The following TSPOAP1 variants were observed in gnomAD, a reference collection of about 807,000 sequenced individuals.
The protein encoded by TSPOAP1 is peripheral-type benzodiazepine receptor-associated protein 1.
TSPOAP1 carries 87 observed loss-of-function variants against 197.0 expected under a neutral mutation model. The observed-to-expected ratio is 0.44, with a 90% CI of 0.37 to 0.53. The LOEUF is 0.53. Among genes scored for constraint, TSPOAP1 ranks in the 20% least tolerant of loss-of-function variants. The pLI is 0.00. For synonymous variants in TSPOAP1, 913 were observed against 998.9 expected (o/e 0.91, Z 1.62); for missense variants, 2,174 against 2,411.3 (o/e 0.90, Z 2.06).
At chr17:58,323,985 T>C (rs1223748502) in intron 5 of TSPOAP1, among the ~76,000 whole-genome samples, 2 of 152,160 alleles carry the variant, frequency 1.3e-5, no homozygotes, top group Non-Finnish European at 2.9e-5. Flanking sequence ...AATCTGGGCT[T>C]GGCCTAGAGC....
rs199504148 is a variant in TSPOAP1 at position 58,308,921 on chromosome 17, C to A, written c.4351G>T (p.Gly1451Cys). 3.1e-4 allele frequency: 491 copies of A among 1,596,604 alleles called. No individual in the cohort carries two copies. Among genetic ancestry groups the A allele is most frequent in the Non-Finnish European group, 4.0e-4 (470 of 1,171,422 alleles). Residue 1451 changes from glycine to cysteine, a missense_variant, in exon 22 of 32, where the codon GGC (glycine) becomes TGC (cysteine). Physicochemically the swap from Gly to Cys is radical, Grantham distance 159. Around this residue, in one of 5 missense-constraint regions of TSPOAP1, gnomAD observed 1,933 missense variants for 2,139.0 expected, o/e 0.90. Transcript: ENST00000343736. ...CTGGGGCCCTCAATTACGGGGAGGC[C>A]ACCCCTCTCCCGTGTGGGGCCCAGT... ...GRLGPTRERGGLPVIEGPRTG... is the reference protein window; with the variant it reads ...GRLGPTRERGCLPVIEGPRTG...
At position 58,308,606 on chromosome 17, in the gene TSPOAP1, C is replaced by G. The variant is rs1970982124; in HGVS notation, c.4666G>C (p.Glu1556Gln). ...PKPYPRLPAWEKGEPERRGRS... is the reference protein window; with the variant it reads ...PKPYPRLPAWQKGEPERRGRS... The stretch of plus-strand genomic sequence containing the variant: ...CCTCTCCGCTCTGGTTCCCCTTTCT[C>G]CCAGGCTGGGAGGCGTGGGTAGGGC... The change falls in exon 22 of 32, where the codon GAG (glutamate) becomes CAG (glutamine). Residue 1556 changes from glutamate to glutamine, a missense_variant. Glu to Gln is a conservative substitution (Grantham distance 29). Transcript: ENST00000343736. The G allele has an allele frequency of 6.3e-7, 1 of 1,594,530 alleles. No individual in the cohort carries two copies. Among genetic ancestry groups the G allele is most frequent in the Non-Finnish European group, 8.6e-7 (1 of 1,168,414 alleles).
Position 58,322,346 on chromosome 17 carries a change from G to C in TSPOAP1, c.1384C>G (p.Leu462Val). 6.2e-7 allele frequency: 1 copy of C among 1,605,200 alleles called. No individual in the cohort carries two copies. Among genetic ancestry groups the C allele is most frequent in the African/African-American group, 1.3e-5 (1 of 75,030 alleles). The change falls in exon 10 of 32, where the codon CTA (leucine) becomes GTA (valine). Residue 462 changes from leucine (L) to valine (V), a missense_variant. Coordinates refer to ENST00000343736, the MANE Select transcript of TSPOAP1 (RefSeq NM_004758.4). The surrounding 1 kb of genome is among the most constrained non-coding windows in gnomAD (Gnocchi z 5.0). ...EVEHEQARLS[L>V]REKQEEVRRL... Reference sequence around the variant, plus strand: ...CGGACCTCCTCCTGCTTCTCCCGTAGGCTGAGCCGAGCCTGTTCATGCTCC... The same window carrying C: ...CGGACCTCCTCCTGCTTCTCCCGTACGCTGAGCCGAGCCTGTTCATGCTCC...
At chr17:58,311,475 C>G (rs1971075946) in intron 18 of TSPOAP1, 96 bp downstream of exon 18, 13 of 1,487,948 alleles carry the variant, frequency 8.7e-6, no homozygotes, top group East Asian at 4.6e-5. Context: ...ATGCCAGGGG[C>G]TGGGCATCTC....
At position 58,327,722 on chromosome 17, in the gene TSPOAP1, C is replaced by T. The variant is rs529186608; in HGVS notation, c.199G>A (p.Gly67Arg). 35 of 1,614,154 alleles carry T rather than the reference C, an allele frequency of 2.2e-5. No individual in the cohort carries two copies. The highest frequency in any genetic ancestry group is 1.7e-4 in the Admixed American group (10 of 60,024). ...SEESSKPKGD[G>R]SSRPVGGTDP... The stretch of plus-strand genomic sequence containing the variant: ...GTTCCCCCCACGGGCCTGGAGCTCC[C>T]GTCTCCTTTGGGCTTGGAACTCTCC... Residue 67 changes from glycine to arginine, a missense_variant, in exon 1 of 32, where the codon GGG becomes AGG. Transcript: ENST00000343736.
In TSPOAP1 at chr17:58,323,481, C is replaced by T. The variant is rs1160672341; in HGVS notation, c.1007G>A (p.Arg336Lys). The T allele has an allele frequency of 3.7e-6, 6 of 1,614,234 alleles. No individual in the cohort carries two copies. Among genetic ancestry groups the T allele is most frequent in the Non-Finnish European group, 5.1e-6 (6 of 1,180,016 alleles). Residue 336 changes from arginine (R) to lysine (K), a missense_variant, in exon 6 of 32, where the codon AGG becomes AAG. Around this residue, in one of 5 missense-constraint regions of TSPOAP1, gnomAD observed 1,933 missense variants for 2,139.0 expected, o/e 0.90. Transcript: ENST00000343736. The stretch of plus-strand genomic sequence containing the variant: ...CCTAGGACTTACCAGCTGCTGCACC[C>T]TCTGCTCTTTCTCTGGCTCCCCTAG... ...VILGEPEKEQ[R>K]VQQLESELSK...
intron 22 of TSPOAP1, 106 bp downstream of exon 22, chr17:58,308,435 G>A (rs374849191): frequency 6.2e-6 from 9 of 1,462,556 alleles, no homozygotes; most frequent in South Asian, 1.5e-5. Context: ...CCCCACCTCT[G>A]CTGATGGAGG....
rs1423827945 is a variant in TSPOAP1 at position 58,323,342 on chromosome 17, G to A, written c.1060C>T (p.Leu354=). 3.7e-6 allele frequency: 6 copies of A among 1,614,134 alleles called. No homozygotes were observed. In the African/African-American group the frequency reaches 8.0e-5, roughly 22 times the overall value. The change falls in exon 7 of 32, where the codon CTG becomes TTG. Residue 354 remains leucine, a synonymous_variant. Transcript: ENST00000343736. ...TGCTTTTTCCGGGCTTCCTGCTCCA[G>A]GCTCTCGCATTTCTTCCGCTTCTTG... ...LSKKRKKCES[L]EQEARKKQRR...
chr17:58,325,530 G>A lies in TSPOAP1; in HGVS notation c.750+4C>T, dbSNP rs770378354. The A allele has an allele frequency of 1.9e-6, 3 of 1,611,698 alleles. No individual in the cohort carries two copies. Among genetic ancestry groups the A allele is most frequent in the Non-Finnish European group, 2.5e-6 (3 of 1,179,984 alleles). On this transcript the variant is annotated splice_donor_region_variant and intron_variant, in intron 4 of 31. Transcript: ENST00000343736. ...TGGAAGAGGTGACCAGGGCCTCCTC[G>A]CACCTTGCCCACCAGAGTGAGCCTG...
At position 58,310,072 on chromosome 17, in the gene TSPOAP1, C is replaced by T; in HGVS notation, c.3786G>A (p.Glu1262=). The change falls in exon 21 of 32, where the codon GAG becomes GAA. Residue 1262 remains glutamate, a synonymous_variant. Coordinates refer to ENST00000343736, the MANE Select transcript of TSPOAP1 (RefSeq NM_004758.4). ...GRNSDLSDIQ[E]EEEEEEEEEE... ...CCTCCTCCTCCTCCTCTTCCTCTTC[C>T]TCCTGGATGTCTGACAGGTCTGAGT... The T allele has an allele frequency of 6.2e-7, 1 of 1,613,530 alleles. No homozygotes were observed. The highest frequency in any genetic ancestry group is 1.1e-5 in the South Asian group (1 of 91,090).
intron 12 of TSPOAP1, 67 bp downstream of exon 12, chr17:58,320,042 C>T: frequency 6.3e-7 from 1 of 1,598,026 alleles, no homozygotes; most frequent in Non-Finnish European, 8.6e-7. Flanking sequence ...ACTGCCTGGG[C>T]CCTGAGGGAG....
intron 26 of TSPOAP1, 47 bp downstream of exon 26, chr17:58,306,295 G>A (rs1231004840): frequency 2.6e-5 from 40 of 1,510,724 alleles, no homozygotes; most frequent in Admixed American, 1.2e-4. Context: ...CCACCCCACC[G>A]CACACACATC....
intron 16 of TSPOAP1, among the ~76,000 whole-genome samples, chr17:58,312,951 T>A (rs1342286354): frequency 1.3e-5 from 2 of 152,222 alleles, no homozygotes; most frequent in African/African-American, 4.8e-5. Context: ...CTTCTTCAAT[T>A]TTAACTTGCA....
At chr17:58,305,268 A>G (rs761190766) in intron 29 of TSPOAP1, 97 bp from the exon 30 acceptor site, 29 of 1,485,006 alleles carry the variant, frequency 2.0e-5, no homozygotes, top group Non-Finnish European at 2.7e-5. Flanking sequence ...GGCCAAAACC[A>G]CTGTCCAGGG....
intron 14 of TSPOAP1, among the ~76,000 whole-genome samples, chr17:58,317,360 C>T (rs957734668): frequency 1.3e-5 from 2 of 152,314 alleles, no homozygotes; most frequent in African/African-American, 2.4e-5. Flanking sequence ...AGCTCTGGAA[C>T]TCAGAACTTC....
In TSPOAP1 at chr17:58,304,367, C is replaced by A. The variant is rs779286294; in HGVS notation, c.*3G>T. ...TGCTCTCTCTACATATATCTATCTC[C>A]ATCTAGCACTGGACTCTTCTCCTCC... On this transcript the variant is annotated 3_prime_UTR_variant, in exon 31 of 32. Coordinates refer to ENST00000343736, the MANE Select transcript of TSPOAP1 (RefSeq NM_004758.4). The surrounding 1 kb of genome is among the most constrained non-coding windows in gnomAD (Gnocchi z 4.2). 1 of 1,613,946 alleles carries A rather than the reference C, an allele frequency of 6.2e-7. No individual in the cohort carries two copies. The highest frequency in any genetic ancestry group is 8.5e-7 in the Non-Finnish European group (1 of 1,179,820).
At position 58,302,109 on chromosome 17, in the gene TSPOAP1, C is replaced by G. The variant is rs978796298; in HGVS notation, c.*371G>C. 1 of 594,154 alleles carries G rather than the reference C, an allele frequency of 1.7e-6. No individual in the cohort carries two copies. Among genetic ancestry groups the G allele is most frequent in the Non-Finnish European group, 2.5e-6 (1 of 399,618 alleles). 36.8% of individuals were successfully genotyped at this position (594,154 alleles called of 1,614,324 possible). A position where few individuals can be genotyped will look rare whatever the true frequency, so the allele number is the denominator to read the frequency against. On this transcript the variant is annotated 3_prime_UTR_variant, in exon 32 of 32. Transcript: ENST00000343736. ...AGTTCATCCTTAAGGAGCCATTTAGCTCTGACCTTCACCAAGGCTCTTTGA... is the reference window on the plus strand; with the variant it reads ...AGTTCATCCTTAAGGAGCCATTTAGGTCTGACCTTCACCAAGGCTCTTTGA...
chr17:58,318,823 C>T (rs1971316793), intron 13 of TSPOAP1, among the ~76,000 whole-genome samples: 1 of 152,186 alleles, frequency 6.6e-6, no homozygotes, highest in African/African-American at 2.4e-5. Context: ...CTGCTACTGA[C>T]TCCTAGTGCC....
At chr17:58,305,223 G>GGCCCTC in intron 29 of TSPOAP1, 52 bp from the exon 30 acceptor site, 1 of 1,513,736 alleles carries the variant, frequency 6.6e-7, no homozygotes, top group Admixed American at 1.7e-5. Flanking sequence ...CTCTGGCCCT[G>GGCCCTC]CCCCTCGACT....
Sources: gnomAD v4.1 joint callset for allele counts (sites outside exome capture counted in the v4.1 genomes callset) on GRCh38, gnomAD v4.1.1 for gene constraint, gnomAD v4.1.1 regional missense constraint, Gnocchi (gnomAD v3.1) non-coding constraint, MANE v1.5 for transcripts, NCBI Gene and HGNC (gene_info 2026-07-23, HGNC 2026-07-21) for gene names.